The following POU2AF1 variants were observed in gnomAD, a reference collection of about 807,000 sequenced individuals.
POU2AF1 encodes the protein POU class 2 homeobox associating factor 1, also known as POU domain class 2-associating factor 1.
In POU2AF1, 12 loss-of-function variants were observed where a neutral mutation model predicts 26.3. The ratio of observed to expected loss-of-function variants is 0.46; its 90% CI spans 0.29 to 0.74. POU2AF1 has a LOEUF of 0.74. POU2AF1 is among the 30% of genes least tolerant of loss of function. The pLI is 0.09. For missense variants in POU2AF1, 297 were observed against 334.5 expected (o/e 0.89, Z 0.87); for synonymous variants, 175 against 148.0 (o/e 1.18, Z -1.32).
chr11:111,363,289 A>G lies in POU2AF1; in HGVS notation c.17-4371T>C, dbSNP rs1861045820. ...ATTCTGTAACTGACTCCAGCTGAGC[A>G]GGTAAGAAGGAGGGTGCTTCTCATA... On this transcript the variant is annotated intron_variant, in intron 1 of 4. Transcript: ENST00000393067. 5.9e-6 allele frequency: 6 copies of G among 1,024,572 alleles called. No individual in the cohort carries two copies. In the South Asian group the frequency reaches 2.8e-4, roughly 47 times the overall value. The allele number at this position is 1,024,572 out of a possible 1,614,324, so 63.5% of individuals were successfully genotyped here. A position where few individuals can be genotyped will look rare whatever the true frequency, so the allele number is the denominator to read the frequency against.
rs574396914 is a variant in POU2AF1, at chr11:111,355,233, C to T, written c.457-658G>A. ...TGCCTGGTGCCTTCCACATCCTCAT[C>T]GTCCTCTGTCTCTGAGCTGATCTCC... On this transcript the variant is annotated intron_variant, in intron 4 of 4. Transcript: ENST00000393067. Among the ~76,000 whole-genome samples the T allele has an allele frequency of 2.4e-4, 36 of 152,316 alleles. No homozygotes were observed. In the South Asian group the frequency reaches 6.0e-3, roughly 25 times the overall value.
In POU2AF1 at chr11:111,353,665, G is replaced by A. The variant is rs994260417; in HGVS notation, c.*596C>T. 1.7e-4 allele frequency: 39 copies of A among 234,010 alleles called. No individual in the cohort carries two copies. The highest frequency in any genetic ancestry group is 9.0e-4 in the South Asian group (5 of 5,542). 14.5% of individuals were successfully genotyped at this position (234,010 alleles called of 1,614,324 possible). On this transcript the variant is annotated 3_prime_UTR_variant, in exon 5 of 5. Coordinates refer to ENST00000393067, the MANE Select transcript of POU2AF1 (RefSeq NM_006235.3). ...TGCTGTCGGGGCTGGTCTTCCCGCC[G>A]GCCACCACATACATCTTAAAATTAC...
chr11:111,358,370 ACACACTCT>A (rs1565360606), intron 2 of POU2AF1, among the ~76,000 whole-genome samples: 8 of 83,960 alleles, frequency 9.5e-5, no homozygotes, highest in African/African-American at 2.9e-4. Flanking sequence ...TCACACACTC[ACACACTCT>A]CTCACACACA....
In POU2AF1 at chr11:111,363,669, A is replaced by C. The variant is rs374757080; in HGVS notation, c.17-4751T>G. ...TTTTAAATAATTTCTTAAAATCATA[A>C]TAAAAAATCCAAAGAAAATAAACCA... On this transcript the variant is annotated intron_variant, in intron 1 of 4. Coordinates refer to ENST00000393067, the MANE Select transcript of POU2AF1 (RefSeq NM_006235.3). 2.6e-5 allele frequency among the ~76,000 whole-genome samples: 4 copies of C among 152,368 alleles called. No homozygotes were observed. The East Asian group carries it at 7.7e-4, about 29-fold the overall frequency.
At chr11:111,373,306 A>G (rs1022650658) in intron 1 of POU2AF1, among the ~76,000 whole-genome samples, 3 of 152,228 alleles carry the variant, frequency 2.0e-5, no homozygotes, top group Non-Finnish European at 4.4e-5. Context: ...ATTAGAAGCC[A>G]TCCATTTCAA....
At position 111,357,627 on chromosome 11, in the gene POU2AF1, T is replaced by C. The variant is rs749736999; in HGVS notation, c.274A>G (p.Thr92Ala). Residue 92 changes from threonine to alanine, a missense_variant, in exon 4 of 5, where the codon ACC becomes GCC. Thr to Ala is a moderately conservative substitution (Grantham distance 58). Coordinates refer to ENST00000393067, the MANE Select transcript of POU2AF1 (RefSeq NM_006235.3). Reference sequence around the variant, plus strand: ...GCCAGGGGCTGCAGGGTGGCCGGGGTGGGCTGGGAGAGCCAGCCGGCACAC... The same window carrying C: ...GCCAGGGGCTGCAGGGTGGCCGGGGCGGGCTGGGAGAGCCAGCCGGCACAC... ...ALCAGWLSQP[T>A]PATLQPLAPW... The C allele has an allele frequency of 3.7e-6, 6 of 1,613,484 alleles. No homozygotes were observed. Among genetic ancestry groups the C allele is most frequent in the Non-Finnish European group, 5.1e-6 (6 of 1,179,836 alleles).
rs936642735 is a variant in POU2AF1 at position 111,373,029 on chromosome 11, G to A, written c.16+6133C>T. 2.6e-5 allele frequency among the ~76,000 whole-genome samples: 4 copies of A among 152,182 alleles called. No homozygotes were observed. In the South Asian group the frequency reaches 8.3e-4, roughly 32 times the overall value. ...AGATTAGAAAGGAAAAAGGAGCCTG[G>A]GATGATGTTGGCACTGTGAGACTCC... On this transcript the variant is annotated intron_variant, in intron 1 of 4. Transcript: ENST00000393067.
intron 1 of POU2AF1, among the ~76,000 whole-genome samples, chr11:111,366,335 A>C (rs1474295879): frequency 6.6e-6 from 1 of 152,248 alleles, no homozygotes; most frequent in Admixed American, 6.5e-5. Context: ...ACAGAGGAGA[A>C]AAAGACAGCA....
intron 4 of POU2AF1, among the ~76,000 whole-genome samples, chr11:111,355,350 C>T (rs565482961): frequency 1.6e-4 from 25 of 152,354 alleles, no homozygotes; most frequent in East Asian, 1.5e-3. Flanking sequence ...CTCACCTGCA[C>T]GGCGACTGCC....
At chr11:111,357,975 C>G (rs924121951) in intron 2 of POU2AF1, 138 bp from the exon 3 acceptor site, 4 of 947,084 alleles carry the variant, frequency 4.2e-6, no homozygotes, top group South Asian at 1.8e-5. Context: ...CATCCCACCC[C>G]GTATCCCAAC....
chr11:111,363,781 G>A (rs978559257), intron 1 of POU2AF1: 23 of 971,546 alleles, frequency 2.4e-5, no homozygotes, highest in South Asian at 9.5e-5. Flanking sequence ...ATAAGCTCCC[G>A]ATTAACTTGT....
Position 111,371,985 on chromosome 11 carries a change from C to T in POU2AF1, c.16+7177G>A, listed in dbSNP as rs558306878. Among the ~76,000 whole-genome samples the T allele has an allele frequency of 1.1e-4, 16 of 151,776 alleles. 1 individual carries two copies. The highest frequency in any genetic ancestry group is 3.6e-4 in the African/African-American group (15 of 41,334). On this transcript the variant is annotated intron_variant, in intron 1 of 4. Coordinates refer to ENST00000393067, the MANE Select transcript of POU2AF1 (RefSeq NM_006235.3). Reference sequence around the variant, plus strand: ...CTCTCTAACTCAAAGTTAAACCCTACTCTCTACATCTTACTCTCCACACCC... The same window carrying T: ...CTCTCTAACTCAAAGTTAAACCCTATTCTCTACATCTTACTCTCCACACCC...
Position 111,354,543 on chromosome 11 carries a change from G to A in POU2AF1, c.489C>T (p.Pro163=). The change falls in exon 5 of 5, where the codon CCC becomes CCT. Residue 163 remains proline, a synonymous_variant. Coordinates refer to ENST00000393067, the MANE Select transcript of POU2AF1 (RefSeq NM_006235.3). The part of the protein sequence containing the change: ...TRSSATPAVG[P]PLEGPEHQAP... ...CCTGGTGCTCTGGGCCCTCCAGCGG[G>A]GGCCCCACTGCGGGCGTGGCGGAGC... The A allele has an allele frequency of 3.2e-6, 5 of 1,547,546 alleles. No homozygotes were observed. Among genetic ancestry groups the A allele is most frequent in the Non-Finnish European group, 4.3e-6 (5 of 1,152,564 alleles).
At chr11:111,377,031 G>A (rs747370308) in intron 1 of POU2AF1, among the ~76,000 whole-genome samples, 6 of 152,042 alleles carry the variant, frequency 3.9e-5, no homozygotes, top group Non-Finnish European at 5.9e-5. Context: ...ATGGAGTTTT[G>A]ATCTATCTGA....
intron 1 of POU2AF1, among the ~76,000 whole-genome samples, chr11:111,370,535 G>T (rs1861189698): frequency 6.6e-6 from 1 of 152,150 alleles, no homozygotes; most frequent in Non-Finnish European, 1.5e-5. Context: ...TATAGTTATG[G>T]TGCCTGCAGG....
intron 2 of POU2AF1, among the ~76,000 whole-genome samples, chr11:111,358,346 T>TCTCA (rs1565360513): frequency 1.1e-3 from 31 of 28,798 alleles, no homozygotes; most frequent in African/African-American, 1.8e-3. Context: ...TCTCACACTC[T>TCTCA]CACACTCACA....
chr11:111,359,281 T>C (rs754365550), intron 1 of POU2AF1: 92 of 268,274 alleles, frequency 3.4e-4, no homozygotes, highest in Non-Finnish European at 3.5e-4. Flanking sequence ...CCTCCTCATC[T>C]GTGGTTGAGG....
intron 1 of POU2AF1, among the ~76,000 whole-genome samples, chr11:111,360,338 G>A (rs1481587897): frequency 6.6e-6 from 1 of 152,192 alleles, no homozygotes; most frequent in Non-Finnish European, 1.5e-5. Context: ...CGGATCTGCA[G>A]CACTGCCCTG....
At position 111,369,375 on chromosome 11, in the gene POU2AF1, A is replaced by G. The variant is rs569075954; in HGVS notation, c.16+9787T>C. 3.3e-4 allele frequency among the ~76,000 whole-genome samples: 51 copies of G among 152,358 alleles called. 2 individuals carry two copies. The highest frequency in any genetic ancestry group is 9.4e-4 in the African/African-American group (39 of 41,590). On this transcript the variant is annotated intron_variant, in intron 1 of 4. Transcript: ENST00000393067. ...TTTTGAATGGCAGCGATTAGGTTGC[A>G]GACAGAGTATGATGGCATTCCCTTG...
Sources: gnomAD v4.1 joint callset for allele counts (sites outside exome capture counted in the v4.1 genomes callset) on GRCh38, gnomAD v4.1.1 for gene constraint, MANE v1.5 for transcripts, NCBI Gene and HGNC (gene_info 2026-07-23, HGNC 2026-07-21) for gene names.